Variants in SCFD2 observed in about 807,000 individuals in gnomAD.
SCFD2 encodes sec1 family domain-containing protein 2.
SCFD2 carries 54 observed loss-of-function variants against 58.9 expected under a neutral mutation model. The ratio of observed to expected loss-of-function variants is 0.92; its 90% CI spans 0.74 to 1.15. The LOEUF is 1.15. SCFD2 is among the 50% of genes most tolerant of loss of function. SCFD2 has a pLI of 0.00. For synonymous variants in SCFD2, 321 were observed against 335.9 expected (o/e 0.96, Z 0.49); for missense variants, 805 against 836.6 (o/e 0.96, Z 0.47).
At chr4:53,231,661 T>C (rs2149008322) in intron 4 of SCFD2, among the ~76,000 whole-genome samples, 1 of 152,294 alleles carries the variant, frequency 6.6e-6, no homozygotes, top group East Asian at 1.9e-4. Flanking sequence ...AGAAGAGTGC[T>C]GATGGTGTAT....
At chr4:53,070,865 C>T (rs1251081473) in intron 5 of SCFD2, among the ~76,000 whole-genome samples, 2 of 151,978 alleles carry the variant, frequency 1.3e-5, no homozygotes, top group Admixed American at 6.6e-5. Flanking sequence ...AAAATATATA[C>T]CCATATTTTA....
intron 4 of SCFD2, among the ~76,000 whole-genome samples, chr4:53,229,100 A>G (rs1162904178): frequency 1.3e-5 from 2 of 152,102 alleles, no homozygotes; most frequent in Non-Finnish European, 2.9e-5. Flanking sequence ...ACTACAAACC[A>G]CTGCTCAATG....
At chr4:52,914,480 C>G (rs150895070) in intron 6 of SCFD2, among the ~76,000 whole-genome samples, 1 of 152,116 alleles carries the variant, frequency 6.6e-6, no homozygotes, top group African/African-American at 2.4e-5. Context: ...TCAGTAGCTG[C>G]GTGGACTGCT....
chr4:53,259,243 CTTTG>C (rs1416940324), intron 4 of SCFD2, among the ~76,000 whole-genome samples: 1 of 152,012 alleles, frequency 6.6e-6, no homozygotes, highest in Non-Finnish European at 1.5e-5. Flanking sequence ...ATCTATTTAT[CTTTG>C]TTTTTGTTGC....
At chr4:53,044,750 AT>A (rs2148826752) in intron 5 of SCFD2, among the ~76,000 whole-genome samples, 1 of 151,830 alleles carries the variant, frequency 6.6e-6, no homozygotes, top group African/African-American at 2.4e-5. Flanking sequence ...TCCTAAGATT[AT>A]TGGCAGTGTA....
intron 5 of SCFD2, among the ~76,000 whole-genome samples, chr4:52,938,286 C>T (rs554882278): frequency 6.6e-6 from 1 of 152,260 alleles, no homozygotes; most frequent in Admixed American, 6.5e-5. Flanking sequence ...AGTAACTTGC[C>T]TAAGGCCAAG....
At chr4:53,338,738 G>T (rs1179380761) in intron 2 of SCFD2, among the ~76,000 whole-genome samples, 1 of 151,406 alleles carries the variant, frequency 6.6e-6, no homozygotes, top group African/African-American at 2.4e-5. Context: ...CCGCCACTAC[G>T]CCCGGCTAAT....
intron 3 of SCFD2, among the ~76,000 whole-genome samples, chr4:53,284,129 A>C (rs993745055): frequency 6.6e-6 from 1 of 151,620 alleles, no homozygotes; most frequent in African/African-American, 2.4e-5. Flanking sequence ...AAAAAAAAAA[A>C]AAAAAATGCA....
chr4:53,029,909 A>C (rs1346461876), intron 5 of SCFD2, among the ~76,000 whole-genome samples: 3 of 152,236 alleles, frequency 2.0e-5, no homozygotes, highest in Non-Finnish European at 4.4e-5. Flanking sequence ...TTGTGGTTTT[A>C]GGTTAGGCAA....
intron 5 of SCFD2, among the ~76,000 whole-genome samples, chr4:52,988,174 A>T (rs1721540830): frequency 6.6e-6 from 1 of 152,244 alleles, no homozygotes; most frequent in Non-Finnish European, 1.5e-5. Flanking sequence ...CAACTGCAGC[A>T]CACAGAAGCT....
rs558802251 is a variant in SCFD2, at chr4:52,954,064, A to G, written c.1562-33194T>C. Among the ~76,000 whole-genome samples, 3 of 152,178 alleles carry G rather than the reference A, an allele frequency of 2.0e-5. No individual in the cohort carries two copies. The East Asian group carries it at 5.8e-4, about 29-fold the overall frequency. The stretch of plus-strand genomic sequence containing the variant: ...TGGGGACATTCCAAGTACTCATGGC[A>G]TGGGGTTGCTGTGACATTCACAGGC... On this transcript the variant is annotated intron_variant, in intron 5 of 8. Transcript: ENST00000401642.
intron 4 of SCFD2, among the ~76,000 whole-genome samples, chr4:53,270,801 G>C (rs1343948534): frequency 1.3e-5 from 2 of 152,028 alleles, no homozygotes; most frequent in Non-Finnish European, 2.9e-5. Context: ...GCATAAAACT[G>C]AACATATGGA....
intron 5 of SCFD2, among the ~76,000 whole-genome samples, chr4:53,117,197 A>T (rs993976887): frequency 6.6e-6 from 1 of 152,188 alleles, no homozygotes. Flanking sequence ...AGCTGAACAC[A>T]GGAGTAGCAC....
In SCFD2 at chr4:53,352,613, C is replaced by T. The variant is rs747111408; in HGVS notation, c.992G>A (p.Cys331Tyr). The T allele has an allele frequency of 1.7e-5, 28 of 1,612,888 alleles. No homozygotes were observed. The Admixed American group carries it at 4.2e-4, about 24-fold the overall frequency. Reference protein sequence around the residue: ...EENYNVVAPGCLSQSSDTTAK... With the variant: ...EENYNVVAPGYLSQSSDTTAK... ...TATATCTTACCTGGATTGTGAAAGA[C>T]AGCCTGGTGCAACCACATTATAATT... The change falls in exon 2 of 9, where the codon TGT becomes TAT. Residue 331 changes from cysteine to tyrosine, a missense_variant. Cys to Tyr is a radical substitution (Grantham distance 194, BLOSUM62 -2). This residue lies in a region of SCFD2 where 633 missense variants were observed against 646.8 expected (regional missense o/e 0.98). Transcript: ENST00000401642.
At chr4:53,013,532 C>A (rs1341115631) in intron 5 of SCFD2, among the ~76,000 whole-genome samples, 1 of 152,142 alleles carries the variant, frequency 6.6e-6, no homozygotes, top group Non-Finnish European at 1.5e-5. Context: ...CAACGAAAAT[C>A]ATTTAGCTGT....
At chr4:52,920,154 T>A (rs1035889173) in intron 6 of SCFD2, among the ~76,000 whole-genome samples, 4 of 152,048 alleles carry the variant, frequency 2.6e-5, no homozygotes, top group Admixed American at 2.6e-4. Context: ...CCCCTCTGAG[T>A]TTTTACACAG....
intron 4 of SCFD2, among the ~76,000 whole-genome samples, chr4:53,195,277 G>A (rs1482541371): frequency 6.6e-6 from 1 of 152,164 alleles, no homozygotes; most frequent in Admixed American, 6.6e-5. Context: ...AAATTATTAG[G>A]AGTAGTAGTA....
At chr4:53,007,756 C>T (rs1722010686) in intron 5 of SCFD2, among the ~76,000 whole-genome samples, 1 of 152,230 alleles carries the variant, frequency 6.6e-6, no homozygotes, top group Non-Finnish European at 1.5e-5. Context: ...AACCTCTACT[C>T]ACTAGCCATC....
chr4:53,161,852 C>T (rs1330039877), intron 4 of SCFD2, among the ~76,000 whole-genome samples: 1 of 152,144 alleles, frequency 6.6e-6, no homozygotes, highest in African/African-American at 2.4e-5. Flanking sequence ...AATGATTGAG[C>T]AGCCTCTAAA....
Sources: gnomAD v4.1 joint callset for allele counts (sites outside exome capture counted in the v4.1 genomes callset) on GRCh38, gnomAD v4.1.1 for gene constraint, gnomAD v4.1.1 regional missense constraint, MANE v1.5 for transcripts, NCBI Gene and HGNC (gene_info 2026-07-23, HGNC 2026-07-21) for gene names.